The following DGKB variants were observed in gnomAD, a reference collection of about 807,000 sequenced individuals.
DGKB encodes 90 kDa diacylglycerol kinase.
In DGKB, 67 loss-of-function variants were observed where a neutral mutation model predicts 114.3. The observed-to-expected ratio is 0.59, with a 90% CI of 0.48 to 0.72. The LOEUF (loss-of-function observed/expected upper bound fraction) is 0.72. Among genes scored for constraint, DGKB ranks in the 30% least tolerant of loss-of-function variants. DGKB has a pLI of 0.00. For missense variants in DGKB, 907 were observed against 975.2 expected, an observed-to-expected ratio of 0.93 and a Z score of 0.93; for synonymous variants, 398 against 323.1, an observed-to-expected ratio of 1.23 and a Z score of -2.49.
chr7:14,721,238 T>G (rs964374307), intron 5 of DGKB, among the ~76,000 whole-genome samples: 1 of 152,248 alleles, frequency 6.6e-6, no homozygotes, highest in African/African-American at 2.4e-5. Flanking sequence ...CCATTTGTAC[T>G]TATACAACTA....
At chr7:14,427,866 CAAT>C (rs1279339108) in intron 21 of DGKB, among the ~76,000 whole-genome samples, 1 of 152,102 alleles carries the variant, frequency 6.6e-6, no homozygotes. Context: ...AACCATACCA[CAAT>C]GTTTTAGAAT....
At chr7:14,591,991 C>G (rs150018390) in intron 17 of DGKB, among the ~76,000 whole-genome samples, 1 of 151,804 alleles carries the variant, frequency 6.6e-6, no homozygotes, top group South Asian at 2.1e-4. Flanking sequence ...GTAAATATTA[C>G]TTTTTATTCC....
chr7:14,437,648 G>A (rs1409817404), intron 21 of DGKB, among the ~76,000 whole-genome samples: 1 of 151,840 alleles, frequency 6.6e-6, no homozygotes, highest in African/African-American at 2.4e-5. Context: ...CATCTTGAAA[G>A]GGAATCTTTC....
intron 1 of DGKB, among the ~76,000 whole-genome samples, chr7:14,893,918 A>G (rs1781697627): frequency 6.6e-6 from 1 of 151,258 alleles, no homozygotes; most frequent in South Asian, 2.1e-4. Flanking sequence ...CCAGTATAGG[A>G]TCTCCATAAT....
chr7:14,261,454 T>C (rs1796767007), intron 23 of DGKB, among the ~76,000 whole-genome samples: 1 of 152,136 alleles, frequency 6.6e-6, no homozygotes, highest in Non-Finnish European at 1.5e-5. Context: ...TATCATATAC[T>C]GTACAGTGAA....
intron 23 of DGKB, among the ~76,000 whole-genome samples, chr7:14,255,958 T>G (rs924472054): frequency 6.6e-6 from 1 of 152,182 alleles, no homozygotes; most frequent in African/African-American, 2.4e-5. Context: ...TTCTTGACCT[T>G]TCTGAAGCTC....
chr7:14,744,504 C>A (rs1832989124), intron 4 of DGKB, among the ~76,000 whole-genome samples: 1 of 152,132 alleles, frequency 6.6e-6, no homozygotes, highest in Admixed American at 6.5e-5. Context: ...ACTCTATATT[C>A]TAGGAACCTC....
chr7:14,669,477 C>G (rs1818591807), intron 13 of DGKB, among the ~76,000 whole-genome samples: 1 of 152,120 alleles, frequency 6.6e-6, no homozygotes, highest in African/African-American at 2.4e-5. Flanking sequence ...AGGTGACTCC[C>G]TCAAATCACT....
Position 14,859,625 on chromosome 7 carries a change from T to C in DGKB, c.-187-18175A>G, listed in dbSNP as rs116135735. 5.1e-3 allele frequency among the ~76,000 whole-genome samples: 771 copies of C among 152,258 alleles called. 11 individuals are homozygous for C. Among genetic ancestry groups the C allele is most frequent in the African/African-American group, 0.018 (735 of 41,544 alleles). On this transcript the variant is annotated intron_variant, in intron 1 of 25. Transcript: ENST00000402815. ...ATTTTCAGGGTTTTCGTTTTCCTTG[T>C]TGTTGGAATTCACAAATTTTCTTTT...
intron 23 of DGKB, among the ~76,000 whole-genome samples, chr7:14,290,068 C>T (rs2128470344): frequency 1.3e-5 from 2 of 152,200 alleles, no homozygotes; most frequent in East Asian, 3.9e-4. Flanking sequence ...CAACATGCAA[C>T]CACCAGTTTA....
intron 20 of DGKB, among the ~76,000 whole-genome samples, chr7:14,523,468 T>G (rs759588250): frequency 1.3e-5 from 2 of 152,190 alleles, no homozygotes; most frequent in East Asian, 3.8e-4. Context: ...TGTTTCCTTC[T>G]TATAGTTCAG....
intron 1 of DGKB, among the ~76,000 whole-genome samples, chr7:14,965,263 C>T (rs1018408451): frequency 6.6e-6 from 1 of 152,034 alleles, no homozygotes; most frequent in Non-Finnish European, 1.5e-5. Flanking sequence ...TGGTTGTGTA[C>T]ACTGTACTTT....
chr7:14,815,387 A>T (rs886208063), intron 2 of DGKB: 1 of 152,262 alleles, frequency 6.6e-6, no homozygotes, highest in Non-Finnish European at 1.5e-5. Context: ...TGATTATGGC[A>T]CACACAAAAT....
At chr7:14,743,699 T>A (rs1564078905) in intron 4 of DGKB, among the ~76,000 whole-genome samples, 1 of 152,212 alleles carries the variant, frequency 6.6e-6, no homozygotes, top group Non-Finnish European at 1.5e-5. Flanking sequence ...AATTCTAATG[T>A]TTGAGTGTAT....
intron 25 of DGKB, among the ~76,000 whole-genome samples, chr7:14,154,848 T>A (rs77596379): frequency 1.6e-5 from 1 of 60,872 alleles, no homozygotes; most frequent in Non-Finnish European, 4.6e-5. Flanking sequence ...TACATTCTGC[T>A]TTTTTTTTTT....
intron 2 of DGKB, among the ~76,000 whole-genome samples, chr7:14,838,852 A>G (rs1847521135): frequency 6.6e-6 from 1 of 152,178 alleles, no homozygotes; most frequent in Non-Finnish European, 1.5e-5. Context: ...GCATTCTTAC[A>G]GACTTCACTC....
At chr7:14,783,610 A>G (rs1277900062) in intron 2 of DGKB, among the ~76,000 whole-genome samples, 6 of 152,238 alleles carry the variant, frequency 3.9e-5, no homozygotes, top group Admixed American at 3.9e-4. Context: ...TCTGCTCATT[A>G]TAAAACTCCA....
Position 14,859,098 on chromosome 7 carries a change from A to G in DGKB, c.-187-17648T>C, listed in dbSNP as rs369285754. Among the ~76,000 whole-genome samples, 5 of 152,260 alleles carry G rather than the reference A, an allele frequency of 3.3e-5. No homozygotes were observed. The East Asian group carries it at 5.8e-4, about 18-fold the overall frequency. On this transcript the variant is annotated intron_variant, in intron 1 of 25. Transcript: ENST00000402815. ...GACCTGGGATTATGTGTTGTTCACCAGGAGCAAAAGAGAGAACAGGAGAGA... is the reference window on the plus strand; with the variant it reads ...GACCTGGGATTATGTGTTGTTCACCGGGAGCAAAAGAGAGAACAGGAGAGA...
chr7:14,353,135 C>CT (rs1297180053), intron 21 of DGKB, among the ~76,000 whole-genome samples: 1 of 151,782 alleles, frequency 6.6e-6, no homozygotes, highest in Non-Finnish European at 1.5e-5. Context: ...GAAACCCTAG[C>CT]TTTTTTCCCA....
Sources: gnomAD v4.1 joint callset for allele counts (sites outside exome capture counted in the v4.1 genomes callset) on GRCh38, gnomAD v4.1.1 for gene constraint, MANE v1.5 for transcripts, NCBI Gene and HGNC (gene_info 2026-07-23, HGNC 2026-07-21) for gene names.